The following OPCML variants were observed in gnomAD, a reference collection of about 807,000 sequenced individuals.
OPCML encodes opioid binding protein/cell adhesion molecule like.
In OPCML, 13 loss-of-function variants were observed where a neutral mutation model predicts 37.8. That is an observed-to-expected ratio of 0.34 (90% CI 0.22 to 0.55). The LOEUF (loss-of-function observed/expected upper bound fraction) is 0.55, where lower values mean the gene tolerates loss of function less well. Among genes scored for constraint, OPCML ranks in the 20% least tolerant of loss-of-function variants. OPCML has a pLI of 0.91. For missense variants in OPCML, 341 were observed against 435.6 expected (o/e 0.78, Z 1.93); for synonymous variants, 176 against 168.8 (o/e 1.04, Z -0.33).
intron 3 of OPCML, among the ~76,000 whole-genome samples, chr11:132,542,377 A>T (rs1160921270): frequency 1.1e-4 from 17 of 152,068 alleles, no homozygotes; most frequent in Admixed American, 1.0e-3. Context: ...TTGCATGTCC[A>T]TCTTGTCCCC....
At chr11:133,404,016 C>G (rs752245542) in intron 1 of OPCML, among the ~76,000 whole-genome samples, 5 of 152,210 alleles carry the variant, frequency 3.3e-5, no homozygotes, top group Non-Finnish European at 7.4e-5. Flanking sequence ...GCTGGAAGTT[C>G]GAAGCCCAGT....
At chr11:133,354,855 C>T (rs887611948) in intron 1 of OPCML, among the ~76,000 whole-genome samples, 14 of 152,330 alleles carry the variant, frequency 9.2e-5, no homozygotes, top group Middle Eastern at 3.4e-3. Flanking sequence ...AATGACATTA[C>T]ATGCCTACAG....
intron 1 of OPCML, among the ~76,000 whole-genome samples, chr11:133,259,265 T>G (rs964034172): frequency 3.8e-4 from 58 of 152,360 alleles, no homozygotes; most frequent in Middle Eastern, 6.8e-3. Context: ...ACTCTTCAAG[T>G]GTTAATACAT....
intron 1 of OPCML, among the ~76,000 whole-genome samples, chr11:133,101,230 G>C (rs1183704134): frequency 6.6e-6 from 1 of 152,092 alleles, no homozygotes; most frequent in Non-Finnish European, 1.5e-5. Flanking sequence ...GCCCACAACA[G>C]TGAGTTATTT....
At chr11:132,578,329 A>C (rs1443186869) in intron 3 of OPCML, among the ~76,000 whole-genome samples, 1 of 152,230 alleles carries the variant, frequency 6.6e-6, no homozygotes, top group African/African-American at 2.4e-5. Flanking sequence ...TCCAAAAAAA[A>C]CAAGTTCAAT....
intron 3 of OPCML, among the ~76,000 whole-genome samples, chr11:132,655,273 G>A (rs1941650693): frequency 6.6e-6 from 1 of 152,194 alleles, no homozygotes; most frequent in Admixed American, 6.5e-5. Flanking sequence ...CCACTGAGGT[G>A]GCACTTCCGA....
intron 1 of OPCML, chr11:133,026,206 C>T: frequency 1.4e-6 from 1 of 706,864 alleles, no homozygotes. Flanking sequence ...ATCTGTAAAG[C>T]TTTCGAGCCA....
At chr11:133,240,266 A>G (rs1273770956) in intron 1 of OPCML, among the ~76,000 whole-genome samples, 1 of 149,384 alleles carries the variant, frequency 6.7e-6, no homozygotes, top group Non-Finnish European at 1.5e-5. Context: ...CTTCCCTGCC[A>G]TCTGTCTCAT....
intron 1 of OPCML, among the ~76,000 whole-genome samples, chr11:133,082,726 G>T (rs535645143): frequency 7.0e-6 from 1 of 142,386 alleles, no homozygotes. Flanking sequence ...TCTGGAGACC[G>T]CTTCTCCCCC....
chr11:133,267,615 C>A (rs1417740234), intron 1 of OPCML, among the ~76,000 whole-genome samples: 1 of 152,092 alleles, frequency 6.6e-6, no homozygotes, highest in Non-Finnish European at 1.5e-5. Context: ...CTGCCTTCTG[C>A]CTTTTAAATT....
At chr11:132,688,613 T>C (rs1448371184) in intron 2 of OPCML, among the ~76,000 whole-genome samples, 1 of 152,166 alleles carries the variant, frequency 6.6e-6, no homozygotes, top group Non-Finnish European at 1.5e-5. Flanking sequence ...ATGGAATTGG[T>C]ACTGGATAAC....
intron 1 of OPCML, among the ~76,000 whole-genome samples, chr11:133,458,061 G>A (rs1016782775): frequency 1.3e-5 from 2 of 151,798 alleles, no homozygotes; most frequent in Admixed American, 6.6e-5. Context: ...CAGTAGAATC[G>A]CTTGAACCCA....
intron 1 of OPCML, among the ~76,000 whole-genome samples, chr11:133,218,069 A>G (rs1179559486): frequency 6.6e-6 from 1 of 151,944 alleles, no homozygotes; most frequent in Admixed American, 6.5e-5. Flanking sequence ...CAAGCAAACA[A>G]AAAAAGAAGT....
chr11:132,951,086 G>C (rs1945848962), intron 1 of OPCML, among the ~76,000 whole-genome samples: 1 of 152,150 alleles, frequency 6.6e-6, no homozygotes, highest in Non-Finnish European at 1.5e-5. Context: ...GTCAGTCCAA[G>C]CCCCACCTCT....
chr11:132,525,829 T>C (rs1323670482), intron 4 of OPCML: 3 of 152,252 alleles, frequency 2.0e-5, no homozygotes, highest in Non-Finnish European at 4.4e-5. Flanking sequence ...GGTATAAAAT[T>C]GGAACGATAC....
chr11:132,479,761 G>C (rs568203588), intron 4 of OPCML, among the ~76,000 whole-genome samples: 50 of 152,238 alleles, frequency 3.3e-4, no homozygotes, highest in East Asian at 2.3e-3. Flanking sequence ...CCCAGCAGGG[G>C]CAGACTGACA....
intron 2 of OPCML, among the ~76,000 whole-genome samples, chr11:132,777,490 G>T (rs1946845233): frequency 6.6e-6 from 1 of 152,200 alleles, no homozygotes; most frequent in South Asian, 2.1e-4. Context: ...TGGGGCAGGT[G>T]CCAGCCACCC....
chr11:133,211,617 C>T lies in OPCML; in HGVS notation c.62-268607G>A, dbSNP rs1939362007. On this transcript the variant is annotated intron_variant, in intron 1 of 7. Transcript: ENST00000524381. This position sits in a 1 kb window ranked among gnomAD's most constrained non-coding sequence, Gnocchi z 4.1. ...GGTTTCCTAGAAGGGAGCTGAGGTA[C>T]CCAGAGGCCCTTCCCTAATAGCTGG... 6.6e-6 allele frequency among the ~76,000 whole-genome samples: 1 copy of T among 152,174 alleles called. No homozygotes were observed. The highest frequency in any genetic ancestry group is 2.1e-4 in the South Asian group (1 of 4,824).
intron 3 of OPCML, among the ~76,000 whole-genome samples, chr11:132,545,202 T>C (rs554114277): frequency 3.9e-5 from 6 of 152,228 alleles, no homozygotes; most frequent in Admixed American, 3.3e-4. Context: ...AGGTATATAG[T>C]GGTAATGTCA....
Sources: allele counts gnomAD v4.1 joint callset (sites outside exome capture counted in the v4.1 genomes callset), GRCh38; gene constraint gnomAD v4.1.1; non-coding constraint Gnocchi (gnomAD v3.1); transcripts MANE v1.5; gene names NCBI Gene and HGNC (gene_info 2026-07-23, HGNC 2026-07-21).